Variants in PCNX1 observed in about 807,000 individuals in gnomAD.
PCNX1 encodes pecanex-like protein 1.
In PCNX1, 78 loss-of-function variants were observed where a neutral mutation model predicts 242.2. The observed-to-expected ratio is 0.32, with a 90% confidence interval of 0.27 to 0.39. The LOEUF (loss-of-function observed/expected upper bound fraction) is 0.39, where lower values mean the gene tolerates loss of function less well. Among genes scored for constraint, PCNX1 ranks in the 10% least tolerant of loss-of-function variants. The pLI, the probability that PCNX1 is intolerant of heterozygous loss-of-function variation, is 1.00. For missense variants in PCNX1, 2,581 were observed against 2,856.5 expected (o/e 0.90, Z 2.20); for synonymous variants, 1,024 against 1,032.9 (o/e 0.99, Z 0.17).
intron 19 of PCNX1, among the ~76,000 whole-genome samples, chr14:71,042,605 T>C (rs2060740728): frequency 6.6e-6 from 1 of 151,832 alleles, no homozygotes; most frequent in Non-Finnish European, 1.5e-5. Flanking sequence ...ATTGGCTGTT[T>C]TTAAAAAAAA....
At chr14:71,063,074 C>T (rs970779564) in intron 26 of PCNX1, among the ~76,000 whole-genome samples, 14 of 152,118 alleles carry the variant, frequency 9.2e-5, no homozygotes, top group African/African-American at 3.4e-4. Context: ...GTTTGCACAA[C>T]GAAATTTCTT....
intron 5 of PCNX1, among the ~76,000 whole-genome samples, chr14:70,971,982 C>G (rs1189992792): frequency 2.0e-5 from 3 of 152,112 alleles, no homozygotes; most frequent in African/African-American, 7.2e-5. Flanking sequence ...TGGAATCACT[C>G]CGGCTCCTAT....
intron 1 of PCNX1, among the ~76,000 whole-genome samples, chr14:70,925,892 C>T (rs1358904469): frequency 1.3e-5 from 2 of 151,190 alleles, no homozygotes; most frequent in African/African-American, 4.9e-5. Context: ...CCGCCATAGC[C>T]ACCTTCCATC....
intron 28 of PCNX1, among the ~76,000 whole-genome samples, chr14:71,078,942 C>T (rs2061783090): frequency 6.6e-6 from 1 of 152,122 alleles, no homozygotes; most frequent in African/African-American, 2.4e-5. Flanking sequence ...TGGTGGCTTG[C>T]TGTACCCATC....
chr14:71,081,892 C>T (rs1055535760), intron 28 of PCNX1, among the ~76,000 whole-genome samples: 1 of 152,128 alleles, frequency 6.6e-6, no homozygotes, highest in African/African-American at 2.4e-5. Flanking sequence ...TTCTTGTCTT[C>T]TGCTACCTTT....
intron 28 of PCNX1, among the ~76,000 whole-genome samples, chr14:71,076,682 A>G (rs147460081): frequency 1.4e-4 from 22 of 152,350 alleles, no homozygotes; most frequent in Non-Finnish European, 2.6e-4. Context: ...GGGCATGTAC[A>G]GGCATGCACA....
chr14:70,928,262 G>A (rs1438571987), intron 1 of PCNX1, among the ~76,000 whole-genome samples: 2 of 152,140 alleles, frequency 1.3e-5, no homozygotes, highest in African/African-American at 4.8e-5. Flanking sequence ...ATTTTGTGAG[G>A]TATGTTAAAA....
At chr14:71,071,826 A>G (rs1273017820) in intron 26 of PCNX1, among the ~76,000 whole-genome samples, 2 of 152,188 alleles carry the variant, frequency 1.3e-5, no homozygotes, top group Non-Finnish European at 2.9e-5. Flanking sequence ...GAGACATGCA[A>G]CTGTTTCTTT....
rs189176027 is a variant in PCNX1 at position 71,039,168 on chromosome 14, C to T, written c.3867+3011C>T. On this transcript the variant is annotated intron_variant, in intron 19 of 35. Coordinates refer to ENST00000304743, the MANE Select transcript of PCNX1 (RefSeq NM_014982.3). ...AGCACACCAGCATGGCACATGTATA[C>T]GTATGTAACTAACCTGCACAATGTG... Among the ~76,000 whole-genome samples, 52 of 151,434 alleles carry T rather than the reference C, an allele frequency of 3.4e-4. No homozygotes were observed. The East Asian group carries it at 8.9e-3, about 26-fold the overall frequency.
At chr14:70,976,346 C>G (rs1218997737) in intron 5 of PCNX1, among the ~76,000 whole-genome samples, 1 of 148,498 alleles carries the variant, frequency 6.7e-6, no homozygotes, top group South Asian at 2.1e-4. Context: ...AAGTATAGTC[C>G]TTTGTTGCTC....
intron 8 of PCNX1, among the ~76,000 whole-genome samples, chr14:70,999,802 ACT>A (rs1458130905): frequency 1.3e-5 from 2 of 152,158 alleles, no homozygotes; most frequent in Non-Finnish European, 2.9e-5. Context: ...AAAAGCAGAG[ACT>A]CAGGTGATCA....
chr14:71,043,842 T>A (rs2060782893), intron 19 of PCNX1, among the ~76,000 whole-genome samples: 1 of 152,198 alleles, frequency 6.6e-6, no homozygotes, highest in Non-Finnish European at 1.5e-5. Flanking sequence ...TTTTCTTTGG[T>A]ATCTGTTACT....
chr14:70,997,608 T>C (rs1166934422), intron 8 of PCNX1, among the ~76,000 whole-genome samples: 1 of 152,134 alleles, frequency 6.6e-6, no homozygotes, highest in African/African-American at 2.4e-5. Flanking sequence ...CTCTTGTAAT[T>C]TGGATTTTAT....
At chr14:71,063,677 C>T (rs1443169382) in intron 26 of PCNX1, among the ~76,000 whole-genome samples, 10 of 152,152 alleles carry the variant, frequency 6.6e-5, no homozygotes, top group Admixed American at 6.6e-4. Context: ...TTTGGATCTG[C>T]TGAGCATTTT....
chr14:70,980,924 ATTTCT>A (rs2058820844), intron 6 of PCNX1, among the ~76,000 whole-genome samples: 1 of 152,114 alleles, frequency 6.6e-6, no homozygotes, highest in Non-Finnish European at 1.5e-5. Context: ...TTCTCCAACG[ATTTCT>A]TTTCATTTTA....
At chr14:71,037,788 A>G (rs1457792873) in intron 19 of PCNX1, among the ~76,000 whole-genome samples, 80 of 151,260 alleles carry the variant, frequency 5.3e-4, no homozygotes, top group African/African-American at 1.8e-3. Context: ...CCAAAAGAAC[A>G]AAGCTGGAGG....
Position 71,108,663 on chromosome 14 carries a change from G to A in PCNX1, c.6361G>A (p.Ala2121Thr). Residue 2121 changes from alanine to threonine, a missense_variant, in exon 34 of 36, where the codon GCC becomes ACC. Around this residue, in one of 9 missense-constraint regions of PCNX1, gnomAD observed 432 missense variants for 433.6 expected, o/e 1.00. Transcript: ENST00000304743. ...SGLVRQSPAR[A>T]SVASQSSYCY... Reference sequence around the variant, plus strand: ...CCTGGTCAGACAGTCTCCTGCCCGGGCCTCAGTAGCCAGCCAGTCTTCCTA... The same window carrying A: ...CCTGGTCAGACAGTCTCCTGCCCGGACCTCAGTAGCCAGCCAGTCTTCCTA... 6.2e-7 allele frequency: 1 copy of A among 1,614,194 alleles called. No individual in the cohort carries two copies. The highest frequency in any genetic ancestry group is 2.2e-5 in the East Asian group (1 of 44,888).
intron 1 of PCNX1, among the ~76,000 whole-genome samples, chr14:70,928,472 T>G (rs2056670728): frequency 6.6e-6 from 1 of 152,248 alleles, no homozygotes; most frequent in Non-Finnish European, 1.5e-5. Flanking sequence ...ATTTACCATT[T>G]AGAAATTCAG....
intron 5 of PCNX1, among the ~76,000 whole-genome samples, chr14:70,974,384 CG>C (rs1279862757): frequency 2.0e-5 from 3 of 151,838 alleles, no homozygotes; most frequent in African/African-American, 7.3e-5. Flanking sequence ...CCACCTGCCT[CG>C]GCCTCCCAAA....
Sources: gnomAD v4.1 joint callset for allele counts (sites outside exome capture counted in the v4.1 genomes callset) on GRCh38, gnomAD v4.1.1 for gene constraint, gnomAD v4.1.1 regional missense constraint, MANE v1.5 for transcripts, NCBI Gene and HGNC (gene_info 2026-07-23, HGNC 2026-07-21) for gene names.